Variants in SMURF2 observed in about 807,000 individuals in gnomAD.
SMURF2 encodes SMAD specific E3 ubiquitin protein ligase 2.
SMURF2 carries 48 observed loss-of-function variants against 109.6 expected under a neutral mutation model. That is an observed-to-expected ratio of 0.44 (90% CI 0.35 to 0.56). SMURF2 has a LOEUF of 0.56. Ranked by LOEUF, SMURF2 falls within the 20% of genes least tolerant of loss-of-function variation. SMURF2 has a pLI of 0.01. For missense variants in SMURF2, 575 were observed against 909.0 expected (o/e 0.63, Z 4.72); for synonymous variants, 288 against 317.1 (o/e 0.91, Z 0.97).
In SMURF2 at chr17:64,634,415, C is replaced by G. The variant is rs143664317; in HGVS notation, c.52+27414G>C. The stretch of plus-strand genomic sequence containing the variant: ...TGCCTAGGATGAGGCATGTATAGAA[C>G]TTTCCACTGACTTTAAACCATTTCC... On this transcript the variant is annotated intron_variant, in intron 1 of 18. Coordinates refer to ENST00000262435, the MANE Select transcript of SMURF2 (RefSeq NM_022739.4). 1.1e-3 allele frequency among the ~76,000 whole-genome samples: 174 copies of G among 152,316 alleles called. 3 individuals carry two copies. In the East Asian group the frequency reaches 0.033, roughly 29 times the overall value.
At chr17:64,625,823 C>T (rs888234970) in intron 1 of SMURF2, among the ~76,000 whole-genome samples, 19 of 152,142 alleles carry the variant, frequency 1.2e-4, no homozygotes, top group Non-Finnish European at 2.8e-4. Flanking sequence ...TGGCTCTCTA[C>T]TTTTAGGGGA....
chr17:64,646,201 G>A (rs1970556814), intron 1 of SMURF2, among the ~76,000 whole-genome samples: 1 of 151,794 alleles, frequency 6.6e-6, no homozygotes, highest in Admixed American at 6.6e-5. Flanking sequence ...GAGTAGCTGG[G>A]ATTATAGGCG....
chr17:64,561,383 A>G (rs1484863249), intron 12 of SMURF2, 117 bp downstream of exon 12: 1 of 679,592 alleles, frequency 1.5e-6, no homozygotes, highest in Non-Finnish European at 2.5e-6. Context: ...CCTCAGTGAT[A>G]CAAACATTAG....
intron 13 of SMURF2, 136 bp from the exon 14 acceptor site, chr17:64,556,134 T>G: frequency 7.7e-5 from 42 of 548,454 alleles, no homozygotes; most frequent in East Asian, 9.8e-5. Flanking sequence ...CAGGAGGGAG[T>G]ATTTCTCTAG....
chr17:64,567,859 T>TTC (rs1969336493), intron 10 of SMURF2, among the ~76,000 whole-genome samples: 1 of 149,430 alleles, frequency 6.7e-6, no homozygotes, highest in African/African-American at 2.5e-5. Flanking sequence ...CTGGCTTTTT[T>TTC]TTTTTTTTTT....
intron 1 of SMURF2, among the ~76,000 whole-genome samples, chr17:64,624,533 A>G (rs1294791996): frequency 6.6e-6 from 1 of 150,738 alleles, no homozygotes; most frequent in Non-Finnish European, 1.5e-5. Flanking sequence ...TAAAAAAATT[A>G]AAAACTAGCA....
rs782185465 is a variant in SMURF2, at chr17:64,547,819, A to G, written c.1870-18T>C. On this transcript the variant is annotated intron_variant, in intron 16 of 18. Transcript: ENST00000262435. The surrounding 1 kb of genome is among the most constrained non-coding windows in gnomAD (Gnocchi z 4.2). ...ATAATGAGCTGTGAAAATAGTACAC[A>G]GTAATGAACCTGTGGAAACCACAGC... is the stretch of plus-strand genomic sequence containing the variant. The G allele has an allele frequency of 3.7e-6, 6 of 1,612,830 alleles. No homozygotes were observed. The East Asian group carries it at 1.1e-4, about 30-fold the overall frequency.
intron 1 of SMURF2, among the ~76,000 whole-genome samples, chr17:64,617,631 G>A (rs1229196782): frequency 1.3e-5 from 2 of 151,926 alleles, no homozygotes; most frequent in African/African-American, 4.8e-5. Flanking sequence ...GACTACAGGC[G>A]CACACCACCA....
intron 10 of SMURF2, among the ~76,000 whole-genome samples, chr17:64,566,657 C>T (rs1260998604): frequency 9.4e-5 from 13 of 138,582 alleles, no homozygotes; most frequent in Non-Finnish European, 1.8e-4. Context: ...CTGCAACCTC[C>T]GCCTCCCAGG....
At chr17:64,579,156 A>G (rs1336382390) in intron 8 of SMURF2, among the ~76,000 whole-genome samples, 1 of 152,222 alleles carries the variant, frequency 6.6e-6, no homozygotes, top group African/African-American at 2.4e-5. Flanking sequence ...AGAGGACTAA[A>G]GAGCAAGCAC....
chr17:64,565,496 C>A, intron 10 of SMURF2, among the ~76,000 whole-genome samples: 1 of 152,050 alleles, frequency 6.6e-6, no homozygotes, highest in Middle Eastern at 3.2e-3. Context: ...CATAAGTCAT[C>A]TTTTTCTTTA....
intron 10 of SMURF2, among the ~76,000 whole-genome samples, chr17:64,569,001 C>A (rs1475184709): frequency 6.7e-6 from 1 of 149,940 alleles, no homozygotes; most frequent in Non-Finnish European, 1.5e-5. Context: ...GACTCCATCT[C>A]AAAAAAAATT....
chr17:64,587,075 C>T (rs1338698058), intron 5 of SMURF2, among the ~76,000 whole-genome samples: 1 of 152,106 alleles, frequency 6.6e-6, no homozygotes, highest in Non-Finnish European at 1.5e-5. Flanking sequence ...ACTGGGGAGG[C>T]TGAGGCAGGG....
chr17:64,660,963 A>G (rs1970766460), intron 1 of SMURF2: 1 of 152,154 alleles, frequency 6.6e-6, no homozygotes, highest in Non-Finnish European at 1.5e-5. Flanking sequence ...GTAGTCTTCT[A>G]TCTGGCAACC....
intron 1 of SMURF2, among the ~76,000 whole-genome samples, chr17:64,648,665 A>T (rs928658619): frequency 6.6e-6 from 1 of 152,182 alleles, no homozygotes; most frequent in African/African-American, 2.4e-5. Context: ...TCAGCTACTC[A>T]GGAGGCAGAG....
intron 1 of SMURF2, among the ~76,000 whole-genome samples, chr17:64,607,911 C>T (rs956145301): frequency 1.3e-5 from 2 of 150,272 alleles, no homozygotes; most frequent in East Asian, 3.9e-4. Context: ...GTGGAGGCTG[C>T]AATGAGCCAA....
At chr17:64,646,667 C>T (rs1000385075) in intron 1 of SMURF2, among the ~76,000 whole-genome samples, 17 of 152,166 alleles carry the variant, frequency 1.1e-4, no homozygotes, top group African/African-American at 4.1e-4. Context: ...CAGGCATGAG[C>T]CACCACTCCT....
chr17:64,589,303 G>A (rs1356664709), intron 5 of SMURF2, among the ~76,000 whole-genome samples: 3 of 151,926 alleles, frequency 2.0e-5, no homozygotes, highest in Admixed American at 1.3e-4. Flanking sequence ...CTACTAGACA[G>A]TAGTTGGCAA....
At chr17:64,596,269 A>G (rs528932830) in intron 3 of SMURF2, among the ~76,000 whole-genome samples, 7 of 152,212 alleles carry the variant, frequency 4.6e-5, no homozygotes, top group Admixed American at 6.5e-5. Flanking sequence ...CCAGTTTATT[A>G]TGCTTAATGT....
Sources: allele counts gnomAD v4.1 joint callset (sites outside exome capture counted in the v4.1 genomes callset), GRCh38; gene constraint gnomAD v4.1.1; non-coding constraint Gnocchi (gnomAD v3.1); transcripts MANE v1.5; gene names NCBI Gene and HGNC (gene_info 2026-07-23, HGNC 2026-07-21).